The following ATPAF2 variants were observed in gnomAD, a reference collection of about 807,000 sequenced individuals.
ATPAF2 encodes ATP synthase mitochondrial F1 complex assembly factor 2.
Under a neutral mutation model 36.6 loss-of-function variants are expected in ATPAF2, and 30 were observed. The ratio of observed to expected loss-of-function variants is 0.82; its 90% CI spans 0.61 to 1.11. The LOEUF (loss-of-function observed/expected upper bound fraction) is 1.11, where lower values mean the gene tolerates loss of function less well. ATPAF2 is among the 50% of genes most tolerant of loss of function. The pLI is 0.00. For synonymous variants in ATPAF2, 140 were observed against 152.6 expected (o/e 0.92, Z 0.61); for missense variants, 321 against 372.3 (o/e 0.86, Z 1.13).
chr17:18,030,428 G>A (rs1199013871), intron 1 of ATPAF2, among the ~76,000 whole-genome samples: 2 of 148,224 alleles, frequency 1.3e-5, no homozygotes, highest in Non-Finnish European at 3.0e-5. Context: ...GATTGCTTGA[G>A]CCCAGGAGGC....
chr17:18,038,767 C>T, intron 1 of ATPAF2, 114 bp downstream of exon 1: 4 of 1,477,690 alleles, frequency 2.7e-6, no homozygotes, highest in Non-Finnish European at 3.7e-6. Flanking sequence ...GACTGGCCTG[C>T]ATAACCTCAT....
At chr17:18,016,136 A>T, downstream of ATPAF2, 1 of 1,613,990 alleles carries the variant, frequency 6.2e-7, no homozygotes, top group South Asian at 1.1e-5. Flanking sequence ...GAAGATTGAC[A>T]ATCGAGAAGA....
rs374419603 is a variant in ATPAF2 at position 18,026,304 on chromosome 17, C to G, written c.422+15G>C. Reference sequence around the variant, plus strand: ...GCCTCAATCCAAGGGGAATGCCCATCTAAATGTCCATTACCAGATGGTGTC... The same window carrying G: ...GCCTCAATCCAAGGGGAATGCCCATGTAAATGTCCATTACCAGATGGTGTC... On this transcript the variant is annotated intron_variant, in intron 4 of 7. Coordinates refer to ENST00000474627, the MANE Select transcript of ATPAF2 (RefSeq NM_145691.4). 1.2e-6 allele frequency: 2 copies of G among 1,606,704 alleles called. No individual in the cohort carries two copies. The highest frequency in any genetic ancestry group is 1.7e-6 in the Non-Finnish European group (2 of 1,173,206).
At chr17:18,015,869 G>A, downstream of ATPAF2, 1 of 600,236 alleles carries the variant, frequency 1.7e-6, no homozygotes. Context: ...CACCTGCCCT[G>A]TGCAGTTGGG....
downstream of ATPAF2, chr17:18,015,858 A>C: frequency 1.8e-6 from 1 of 543,864 alleles, no homozygotes; most frequent in South Asian, 2.5e-5. Flanking sequence ...TTTCCCCACA[A>C]CACCTGCCCT....
At chr17:18,037,458 C>G (rs1026033657) in intron 1 of ATPAF2, among the ~76,000 whole-genome samples, 3 of 152,144 alleles carry the variant, frequency 2.0e-5, no homozygotes, top group African/African-American at 7.2e-5. Flanking sequence ...GTGGCAGACG[C>G]CTGTAGTCCC....
At position 18,018,610 on chromosome 17, in the gene ATPAF2, G is replaced by A. The variant is rs2044418972; in HGVS notation, c.809C>T (p.Thr270Ile). The A allele has an allele frequency of 6.2e-7, 1 of 1,614,002 alleles. No homozygotes were observed. Among genetic ancestry groups the A allele is most frequent in the Non-Finnish European group, 8.5e-7 (1 of 1,180,032 alleles). Residue 270 changes from threonine to isoleucine, a missense_variant, in exon 8 of 8, where the codon ACC becomes ATC. Thr to Ile is a moderately conservative substitution (Grantham distance 89, BLOSUM62 -1). This residue lies in a region of ATPAF2 where 199 missense variants were observed against 220.6 expected (regional missense o/e 0.90). Coordinates refer to ENST00000474627, the MANE Select transcript of ATPAF2 (RefSeq NM_145691.4). ...CTCGGAGCAGAGATGGATGAAGAGG[G>A]TGCCGGCGGCGGTGCGGGCCCGCAG... is the stretch of plus-strand genomic sequence containing the variant. The part of the protein sequence containing the change: ...QELRARTAAG[T>I]LFIHLCSEST...
At chr17:18,037,061 A>C (rs2145527752) in intron 1 of ATPAF2, among the ~76,000 whole-genome samples, 1 of 152,232 alleles carries the variant, frequency 6.6e-6, no homozygotes, top group East Asian at 1.9e-4. Context: ...ACAAGTGTAA[A>C]ACTCCATCTC....
At chr17:18,027,510 C>T (rs2044565097) in intron 3 of ATPAF2, among the ~76,000 whole-genome samples, 1 of 152,162 alleles carries the variant, frequency 6.6e-6, no homozygotes, top group African/African-American at 2.4e-5. Context: ...ATCCTGACCA[C>T]AGCTCCGTGA....
chr17:18,038,843 G>A (rs770732398), intron 1 of ATPAF2, 38 bp downstream of exon 1: 4 of 1,611,126 alleles, frequency 2.5e-6, no homozygotes, highest in South Asian at 1.1e-5. Flanking sequence ...CCTTACCCCA[G>A]CTCGGCCCCA....
chr17:18,026,244 C>T lies in ATPAF2; in HGVS notation c.422+75G>A. Reference sequence around the variant, plus strand: ...CAATAAATGGAGAGGGTTTCTTCTTCCACTGATAACCATCTGGGCAAATCA... The same window carrying T: ...CAATAAATGGAGAGGGTTTCTTCTTTCACTGATAACCATCTGGGCAAATCA... On this transcript the variant is annotated intron_variant, in intron 4 of 7. Transcript: ENST00000474627. 4 of 1,351,892 alleles carry T rather than the reference C, an allele frequency of 3.0e-6. No homozygotes were observed. The South Asian group carries it at 3.5e-5, about 12-fold the overall frequency. 83.7% of individuals were successfully genotyped at this position (1,351,892 alleles called of 1,614,324 possible). A position where few individuals can be genotyped will look rare whatever the true frequency, so the allele number is the denominator to read the frequency against.
rs2044436217 is a variant in ATPAF2, at chr17:18,019,416, GTTGCC to G, written c.733-735_733-731del. Among the ~76,000 whole-genome samples the G allele has an allele frequency of 2.0e-5, 3 of 152,242 alleles. No homozygotes were observed. In the South Asian group the frequency reaches 6.2e-4, roughly 31 times the overall value. On this transcript the variant is annotated intron_variant, in intron 7 of 7. Transcript: ENST00000474627. Reference sequence around the variant, plus strand: ...GCCTGTGAATGGACAGCCTCTCCAAGTTGCCTTGCCATGCTGGGCTACAAGTGCCC... The same window carrying G: ...GCCTGTGAATGGACAGCCTCTCCAAGTTGCCATGCTGGGCTACAAGTGCCC...
At position 18,028,662 on chromosome 17, in the gene ATPAF2, G is replaced by C; in HGVS notation, c.134-3C>G. ...ATTCTGATAAAACCTCTTCCTTTCT[G>C]TAAGAAAGATTTTTCAAAGAGGCAG... On this transcript the variant is annotated splice_polypyrimidine_tract_variant and splice_region_variant and intron_variant, in intron 1 of 7. Coordinates refer to ENST00000474627, the MANE Select transcript of ATPAF2 (RefSeq NM_145691.4). The C allele has an allele frequency of 1.2e-6, 2 of 1,612,664 alleles. No individual in the cohort carries two copies. The highest frequency in any genetic ancestry group is 1.7e-6 in the Non-Finnish European group (2 of 1,179,720).
downstream of ATPAF2, chr17:18,016,407 T>C: frequency 3.8e-6 from 3 of 781,256 alleles, no homozygotes; most frequent in Non-Finnish European, 2.0e-6. Context: ...ACCTCAAATA[T>C]ACAGAGATCA....
At chr17:18,029,254 T>C (rs1202752614) in intron 1 of ATPAF2, among the ~76,000 whole-genome samples, 1 of 152,262 alleles carries the variant, frequency 6.6e-6, no homozygotes, top group Non-Finnish European at 1.5e-5. Flanking sequence ...CTATGTCCTT[T>C]GTTTTCTTTT....
rs2044415553 is a variant in ATPAF2, at chr17:18,018,413, G to A, written c.*136C>T. The A allele has an allele frequency of 1.6e-6, 2 of 1,278,600 alleles. No homozygotes were observed. Among genetic ancestry groups the A allele is most frequent in the Non-Finnish European group, 2.2e-6 (2 of 894,850 alleles). The allele number at this position is 1,278,600 out of a possible 1,614,324, so 79.2% of individuals were successfully genotyped here. A position where few individuals can be genotyped will look rare whatever the true frequency, so the allele number is the denominator to read the frequency against. ...AGCCGTACTAGCGCACTGTGTCTCG[G>A]GGGGAATCTCAGGGTGACGCTGAGG... On this transcript the variant is annotated 3_prime_UTR_variant, in exon 8 of 8. Transcript: ENST00000474627.
intron 1 of ATPAF2, among the ~76,000 whole-genome samples, chr17:18,034,062 T>C (rs1337909192): frequency 6.6e-6 from 1 of 152,058 alleles, no homozygotes; most frequent in Admixed American, 6.6e-5. Flanking sequence ...GAGGCTGCAG[T>C]GAGCCATGAA....
rs757002424 is a variant in ATPAF2 at position 18,021,851 on chromosome 17, G to A, written c.510C>T (p.Gly170=). 19 of 1,613,496 alleles carry A rather than the reference G, an allele frequency of 1.2e-5. No individual in the cohort carries two copies. The highest frequency in any genetic ancestry group is 1.6e-4 in the Middle Eastern group (1 of 6,074). ...TGCTGGTGGAGGAGCTGATCTCCAC[G>A]CCGTATCTGAAAGGAAAAGGGCTTC... The part of the protein sequence containing the change: ...PIIEWAEKRY[G]VEISSSTSIM... Residue 170 remains glycine, a synonymous_variant, in exon 6 of 8, where the codon GGC becomes GGT. Coordinates refer to ENST00000474627, the MANE Select transcript of ATPAF2 (RefSeq NM_145691.4).
chr17:18,016,825 T>A, downstream of ATPAF2: 1 of 493,160 alleles, frequency 2.0e-6, no homozygotes, highest in East Asian at 3.2e-5. Context: ...TGGAAAAACT[T>A]CCAAAAGTAG....
Sources: gnomAD v4.1 joint callset for allele counts (sites outside exome capture counted in the v4.1 genomes callset) on GRCh38, gnomAD v4.1.1 for gene constraint, gnomAD v4.1.1 regional missense constraint, MANE v1.5 for transcripts, NCBI Gene and HGNC (gene_info 2026-07-23, HGNC 2026-07-21) for gene names.